INTS8: variants seen among roughly 807,000 people sequenced by gnomAD.
INTS8 encodes the protein integrator complex subunit 8.
Under a neutral mutation model 138.9 loss-of-function variants are expected in INTS8, and 47 were observed. That is an observed-to-expected ratio of 0.34 (90% CI 0.27 to 0.43). The LOEUF (loss-of-function observed/expected upper bound fraction) is 0.43. INTS8 is among the 20% of genes least tolerant of loss of function. The pLI, the probability that INTS8 is intolerant of heterozygous loss-of-function variation, is 1.00. For synonymous variants in INTS8, 392 were observed against 400.9 expected, an observed-to-expected ratio of 0.98 and a Z score of 0.27; for missense variants, 996 against 1,173.0, an observed-to-expected ratio of 0.85 and a Z score of 2.20.
intron 12 of INTS8, among the ~76,000 whole-genome samples, chr8:94,850,377 C>T (rs1407765879): frequency 6.6e-6 from 1 of 152,152 alleles, no homozygotes; most frequent in Non-Finnish European, 1.5e-5. Context: ...CTTTGGGAGG[C>T]CAAGACGGGC....
intron 10 of INTS8, among the ~76,000 whole-genome samples, chr8:94,845,335 A>T (rs1382912520): frequency 6.6e-6 from 1 of 151,998 alleles, no homozygotes; most frequent in African/African-American, 2.4e-5. Flanking sequence ...GGCCACCTCT[A>T]TTGTATGCCG....
chr8:94,872,467 C>T (rs1816431816), intron 21 of INTS8, among the ~76,000 whole-genome samples: 1 of 152,204 alleles, frequency 6.6e-6, no homozygotes, highest in South Asian at 2.1e-4. Context: ...CTCCTGACCT[C>T]AGGTGATCTG....
rs1815769768 is a variant in INTS8, at chr8:94,856,930, T to C, written c.1906T>C (p.Ser636Pro). ...GTGQAGERPP[S>P]DLISRVRGYL... The stretch of plus-strand genomic sequence containing the variant: ...AGGGCAGGCAGGAGAGAGACCGCCA[T>C]CCGACCTTATAAGTAGAGTACGAGG... The change falls in exon 15 of 27, where the codon TCC (serine) becomes CCC (proline). Residue 636 changes from serine to proline, a missense_variant. Coordinates refer to ENST00000523731, the MANE Select transcript of INTS8 (RefSeq NM_017864.4). 6.2e-7 allele frequency: 1 copy of C among 1,614,006 alleles called. No homozygotes were observed. The highest frequency in any genetic ancestry group is 8.5e-7 in the Non-Finnish European group (1 of 1,180,032).
rs1018097803 is a variant in INTS8 at position 94,834,202 on chromosome 8, C to T, written c.753+2028C>T. ...TCATTATCAGGCTTTTTTGTTTTTA[C>T]AGTAAATCTATTGAGCACCTCTTAA... On this transcript the variant is annotated intron_variant, in intron 6 of 26. Coordinates refer to ENST00000523731, the MANE Select transcript of INTS8 (RefSeq NM_017864.4). Among the ~76,000 whole-genome samples the T allele has an allele frequency of 2.6e-5, 4 of 152,106 alleles. No individual in the cohort carries two copies. In the East Asian group the frequency reaches 7.7e-4, roughly 29 times the overall value.
intron 10 of INTS8, 72 bp from the exon 11 acceptor site, chr8:94,849,389 TC>T: frequency 3.6e-6 from 3 of 822,084 alleles, no homozygotes; most frequent in Non-Finnish European, 6.0e-6. Context: ...TGTTTTTAAA[TC>T]CAGCCTTTTC....
At chr8:94,872,297 G>A (rs536948609) in intron 21 of INTS8, among the ~76,000 whole-genome samples, 2 of 152,066 alleles carry the variant, frequency 1.3e-5, no homozygotes, top group South Asian at 2.1e-4. Context: ...GAAGTGGCAC[G>A]ATCTTGGCTC....
rs1330416336 is a variant in INTS8 at position 94,871,930 on chromosome 8, C to G, written c.2461C>G (p.Leu821Val). 18 of 1,609,702 alleles carry G rather than the reference C, an allele frequency of 1.1e-5. No individual in the cohort carries two copies. Among genetic ancestry groups the G allele is most frequent in the Non-Finnish European group, 1.5e-5 (18 of 1,176,546 alleles). The stretch of plus-strand genomic sequence containing the variant: ...AGCTGTGGCAATCACAGTGAAAGAG[C>G]TAGTTCGATATACACTCAGTATAAA... Reference protein sequence around the residue: ...FEAVAITVKELVRYTLSINPN... With the variant: ...FEAVAITVKEVVRYTLSINPN... Residue 821 changes from leucine to valine, a missense_variant, in exon 21 of 27, where the codon CTA becomes GTA. By Grantham distance (32) the Leu-to-Val change is conservative. Coordinates refer to ENST00000523731, the MANE Select transcript of INTS8 (RefSeq NM_017864.4).
rs7844910 is a variant in INTS8 at position 94,852,189 on chromosome 8, C to G, written c.1641+503C>G. 2.3e-3 allele frequency among the ~76,000 whole-genome samples: 353 copies of G among 152,254 alleles called. 1 individual carries two copies. Among genetic ancestry groups the G allele is most frequent in the African/African-American group, 8.1e-3 (337 of 41,540 alleles). Reference sequence around the variant, plus strand: ...AACTCCTGACCACCAGTGATCTACCCGCCTCTGCCTCCCCAAGTGTTGGGA... The same window carrying G: ...AACTCCTGACCACCAGTGATCTACCGGCCTCTGCCTCCCCAAGTGTTGGGA... On this transcript the variant is annotated intron_variant, in intron 13 of 26. Coordinates refer to ENST00000523731, the MANE Select transcript of INTS8 (RefSeq NM_017864.4).
At chr8:94,874,879 T>C (rs956354881) in intron 23 of INTS8, among the ~76,000 whole-genome samples, 6 of 152,132 alleles carry the variant, frequency 3.9e-5, no homozygotes, top group African/African-American at 1.4e-4. Flanking sequence ...CATTAGTCAT[T>C]AGGGAAATGC....
At chr8:94,846,191 A>G (rs1467602125) in intron 10 of INTS8, among the ~76,000 whole-genome samples, 2 of 151,978 alleles carry the variant, frequency 1.3e-5, no homozygotes, top group Non-Finnish European at 2.9e-5. Flanking sequence ...TTCTATTCAT[A>G]TTTTTTTCCA....
chr8:94,857,553 C>CGGATGTCTGAAGTCA (rs1459007719), intron 15 of INTS8, among the ~76,000 whole-genome samples: 2 of 152,126 alleles, frequency 1.3e-5, no homozygotes, highest in Non-Finnish European at 2.9e-5. Flanking sequence ...TTCTGGAGGC[C>CGGATGTCTGAAGTCA]GGATGTCTGA....
At chr8:94,863,044 C>G (rs952760182) in intron 16 of INTS8, among the ~76,000 whole-genome samples, 1 of 152,062 alleles carries the variant, frequency 6.6e-6, no homozygotes, top group Non-Finnish European at 1.5e-5. Context: ...TAAAATATAC[C>G]CTTTTGAAAT....
In INTS8 at chr8:94,841,399, A is replaced by G; in HGVS notation, c.1018-92A>G. The G allele has an allele frequency of 5.3e-6, 3 of 568,832 alleles. No individual in the cohort carries two copies. The South Asian group carries it at 8.9e-5, about 17-fold the overall frequency. 35.2% of individuals were successfully genotyped at this position (568,832 alleles called of 1,614,324 possible). ...AAGATATTTTTGTGATTGTTTTTCAACTTGTATTTTCCATTATAGAAAGAC... is the reference window on the plus strand; with the variant it reads ...AAGATATTTTTGTGATTGTTTTTCAGCTTGTATTTTCCATTATAGAAAGAC... On this transcript the variant is annotated intron_variant, in intron 8 of 26. Coordinates refer to ENST00000523731, the MANE Select transcript of INTS8 (RefSeq NM_017864.4).
chr8:94,844,965 G>T (rs1366446280), intron 10 of INTS8, among the ~76,000 whole-genome samples: 1 of 151,306 alleles, frequency 6.6e-6, no homozygotes, highest in South Asian at 2.1e-4. Context: ...CGTTGTCCAG[G>T]CTGGGCTCGA....
chr8:94,859,335 A>G (rs778023047), intron 15 of INTS8, among the ~76,000 whole-genome samples, 176 bp from the exon 16 acceptor site: 2 of 151,558 alleles, frequency 1.3e-5, no homozygotes, highest in Non-Finnish European at 2.9e-5. Flanking sequence ...GCTGGTCTCA[A>G]ACTCCTGGCC....
chr8:94,840,790 C>CTCG (rs1206279868), intron 8 of INTS8, among the ~76,000 whole-genome samples: 3 of 152,096 alleles, frequency 2.0e-5, no homozygotes, highest in Non-Finnish European at 4.4e-5. Context: ...AATTCCTGAC[C>CTCG]TCGTGATCCA....
intron 10 of INTS8, among the ~76,000 whole-genome samples, chr8:94,844,064 C>G (rs1343084337): frequency 6.7e-6 from 1 of 149,864 alleles, no homozygotes; most frequent in East Asian, 1.9e-4. Flanking sequence ...GAGATGGGGC[C>G]CCCTCTGTTG....
intron 18 of INTS8, 90 bp from the exon 19 acceptor site, chr8:94,867,050 T>G: frequency 3.0e-6 from 3 of 991,538 alleles, no homozygotes; most frequent in Non-Finnish European, 4.5e-6. Context: ...AAGGGTCTTT[T>G]AGAATGCTTG....
At position 94,825,063 on chromosome 8, in the gene INTS8, A is replaced by AAAAGGT. The variant is rs1563637225; in HGVS notation, c.303_305+3dup. ...GAAGTGGGACTTAGACATATTAGAG[A>AAAAGGT]AAAGGTATCCAAGATTTCAGTGAAA... On this transcript the variant is annotated stop_gained and inframe_insertion, in exon 2 of 27. Transcript: ENST00000523731. LOFTEE classifies it high-confidence loss of function. The AAAAGGT allele has an allele frequency of 6.3e-7, 1 of 1,592,586 alleles. No individual in the cohort carries two copies. Among genetic ancestry groups the AAAAGGT allele is most frequent in the East Asian group, 2.2e-5 (1 of 44,640 alleles).
Sources: allele counts gnomAD v4.1 joint callset (sites outside exome capture counted in the v4.1 genomes callset), GRCh38; gene constraint gnomAD v4.1.1; transcripts MANE v1.5; gene names NCBI Gene and HGNC (gene_info 2026-07-23, HGNC 2026-07-21).